The following FHIT variants were observed in gnomAD, a reference collection of about 807,000 sequenced individuals.
The protein encoded by FHIT is bis(5'-adenosyl)-triphosphatase.
In FHIT, 19 loss-of-function variants were observed where a neutral mutation model predicts 17.9. The ratio of observed to expected loss-of-function variants is 1.06; its 90% CI spans 0.74 to 1.56. The LOEUF is 1.56. Among genes scored for constraint, FHIT ranks in the 40% most tolerant of loss-of-function variants. The pLI, the probability that FHIT is intolerant of heterozygous loss-of-function variation, is 0.00. For synonymous variants in FHIT, 81 were observed against 69.7 expected, an observed-to-expected ratio of 1.16 and a Z score of -0.81; for missense variants, 248 against 189.2, an observed-to-expected ratio of 1.31 and a Z score of -1.82.
chr3:60,539,822 A>G (rs1028019853), intron 4 of FHIT, among the ~76,000 whole-genome samples: 88 of 152,272 alleles, frequency 5.8e-4, no homozygotes, highest in African/African-American at 2.1e-3. Context: ...GGATAGCATT[A>G]GGAGATATAC....
chr3:60,650,462 G>T (rs1553688002), intron 4 of FHIT, among the ~76,000 whole-genome samples: 1 of 152,140 alleles, frequency 6.6e-6, no homozygotes, highest in Admixed American at 6.5e-5. Flanking sequence ...TATCACTTCA[G>T]CTCTAATTCC....
At chr3:61,002,421 C>A (rs575712247) in intron 3 of FHIT, among the ~76,000 whole-genome samples, 5 of 152,216 alleles carry the variant, frequency 3.3e-5, no homozygotes, top group Middle Eastern at 3.4e-3. Flanking sequence ...TGCCAACATG[C>A]CAGGCCAGTC....
chr3:59,788,081 G>A (rs1202819463), intron 8 of FHIT, among the ~76,000 whole-genome samples: 1 of 152,134 alleles, frequency 6.6e-6, no homozygotes, highest in Non-Finnish European at 1.5e-5. Flanking sequence ...TTTCTAGTCT[G>A]CAAATTGATG....
At chr3:59,928,795 G>C (rs1575712493) in intron 7 of FHIT, among the ~76,000 whole-genome samples, 1 of 152,036 alleles carries the variant, frequency 6.6e-6, no homozygotes, top group South Asian at 2.1e-4. Context: ...AGGAGTTCGA[G>C]ACCAGCCTGG....
chr3:60,815,779 A>G (rs903422278), intron 4 of FHIT, among the ~76,000 whole-genome samples: 3 of 152,018 alleles, frequency 2.0e-5, no homozygotes, highest in Middle Eastern at 3.2e-3. Flanking sequence ...ATGGTAGAGT[A>G]GTTTTATAAA....
chr3:59,812,445 C>T lies in FHIT; in HGVS notation c.349-60124G>A, dbSNP rs148521594. 3.7e-3 allele frequency among the ~76,000 whole-genome samples: 570 copies of T among 152,220 alleles called. 3 individuals carry two copies. Among genetic ancestry groups the T allele is most frequent in the African/African-American group, 0.013 (539 of 41,526 alleles). On this transcript the variant is annotated intron_variant, in intron 8 of 9. Coordinates refer to ENST00000492590, the MANE Select transcript of FHIT (RefSeq NM_002012.4). ...TAACGGCAGCTGCCTAAAAGCCAAG[C>T]GCTGGGCATTTTTATGTTGCAGCTA... is the stretch of plus-strand genomic sequence containing the variant.
rs958298487 is a variant in FHIT at position 60,225,727 on chromosome 3, C to T, written c.104-211575G>A. On this transcript the variant is annotated intron_variant, in intron 5 of 9. Coordinates refer to ENST00000492590, the MANE Select transcript of FHIT (RefSeq NM_002012.4). ...TGCAAAACTTGCCCTCTTAAAACAG[C>T]GACTTTGGGATCATCAAAACTGCAT... Among the ~76,000 whole-genome samples the T allele has an allele frequency of 9.9e-5, 15 of 152,238 alleles. No homozygotes were observed. The South Asian group carries it at 2.3e-3, about 23-fold the overall frequency.
chr3:60,166,414 A>C (rs1701178943), intron 5 of FHIT, among the ~76,000 whole-genome samples: 1 of 152,202 alleles, frequency 6.6e-6, no homozygotes, highest in Non-Finnish European at 1.5e-5. Context: ...ACTTCCAGGG[A>C]CAAATATTTG....
rs539313063 is a variant in FHIT, at chr3:61,106,975, A to G, written c.-163-64876T>C. Among the ~76,000 whole-genome samples, 18 of 152,266 alleles carry G rather than the reference A, an allele frequency of 1.2e-4. No individual in the cohort carries two copies. In the East Asian group the frequency reaches 3.3e-3, roughly 28 times the overall value. On this transcript the variant is annotated intron_variant, in intron 2 of 9. Coordinates refer to ENST00000492590, the MANE Select transcript of FHIT (RefSeq NM_002012.4). ...TGCCTGGCCCATCACATCATTTTTT[A>G]TAGTGAGAACACTTAAAATTTATTC...
chr3:60,264,579 G>A (rs1414053577), intron 5 of FHIT, among the ~76,000 whole-genome samples: 1 of 151,918 alleles, frequency 6.6e-6, no homozygotes, highest in Non-Finnish European at 1.5e-5. Context: ...CATTAAGAGA[G>A]TTAATAGAGA....
At chr3:60,607,691 C>T (rs1414517156) in intron 4 of FHIT, among the ~76,000 whole-genome samples, 1 of 152,084 alleles carries the variant, frequency 6.6e-6, no homozygotes, top group Non-Finnish European at 1.5e-5. Context: ...ATTCCCTCTT[C>T]TCTGACATCC....
chr3:60,486,122 A>T (rs13068840), intron 5 of FHIT, among the ~76,000 whole-genome samples: 8,531 of 152,176 alleles, frequency 0.056, 246 homozygotes, highest in African/African-American at 0.078. Context: ...TGTCCACTCT[A>T]ATAGGAACTG....
chr3:60,948,086 C>T (rs1262371251), intron 3 of FHIT, among the ~76,000 whole-genome samples: 1 of 152,146 alleles, frequency 6.6e-6, no homozygotes, highest in Non-Finnish European at 1.5e-5. Context: ...AGTGGATTCT[C>T]CAGTCAATTT....
chr3:61,158,987 G>A (rs918286526), intron 2 of FHIT, among the ~76,000 whole-genome samples: 9 of 152,170 alleles, frequency 5.9e-5, no homozygotes, highest in African/African-American at 2.2e-4. Context: ...CCAAAATCCA[G>A]CACTGCTGCT....
intron 5 of FHIT, among the ~76,000 whole-genome samples, chr3:60,493,769 A>C (rs1436055061): frequency 1.3e-5 from 2 of 152,228 alleles, no homozygotes; most frequent in South Asian, 2.1e-4. Context: ...TGTGTCTAAA[A>C]TTCTAAATAC....
intron 4 of FHIT, among the ~76,000 whole-genome samples, chr3:60,611,986 C>A (rs1553673778): frequency 2.0e-5 from 3 of 152,092 alleles, no homozygotes; most frequent in African/African-American, 7.2e-5. Flanking sequence ...TGCTCAGCTT[C>A]AAAACTCTCA....
At chr3:60,805,234 A>G (rs1048467724) in intron 4 of FHIT, among the ~76,000 whole-genome samples, 2 of 152,222 alleles carry the variant, frequency 1.3e-5, no homozygotes, top group Non-Finnish European at 2.9e-5. Flanking sequence ...AAATATGTCA[A>G]TTACCACCTT....
intron 4 of FHIT, among the ~76,000 whole-genome samples, chr3:60,782,560 C>T (rs886338097): frequency 7.9e-5 from 12 of 152,120 alleles, no homozygotes; most frequent in South Asian, 2.1e-4. Context: ...CCTTTTCTTT[C>T]GGCCCTTAAG....
chr3:60,370,092 T>G (rs17062836), intron 5 of FHIT, among the ~76,000 whole-genome samples: 2,484 of 152,364 alleles, frequency 0.016, 70 homozygotes, highest in African/African-American at 0.056. Flanking sequence ...TGAATCTCAA[T>G]TCCTCACACC....
Sources: allele counts gnomAD v4.1 joint callset (sites outside exome capture counted in the v4.1 genomes callset), GRCh38; gene constraint gnomAD v4.1.1; transcripts MANE v1.5; gene names NCBI Gene and HGNC (gene_info 2026-07-23, HGNC 2026-07-21).